The following PLIN5 variants were observed in gnomAD, a reference collection of about 807,000 sequenced individuals.
PLIN5 encodes perilipin-5.
A neutral mutation model predicts 32.8 loss-of-function variants in PLIN5; 34 were observed. The observed-to-expected ratio is 1.04, with a 90% confidence interval of 0.79 to 1.38. The LOEUF (loss-of-function observed/expected upper bound fraction) is 1.38. PLIN5 is among the 40% of genes most tolerant of loss of function. The pLI is 0.00. For missense variants in PLIN5, 712 were observed against 660.5 expected, an observed-to-expected ratio of 1.08 and a Z score of -0.85; for synonymous variants, 309 against 292.9, an observed-to-expected ratio of 1.05 and a Z score of -0.56.
At chr19:4,533,772 G>T (rs575389406) in intron 2 of PLIN5, 1 of 574,596 alleles carries the variant, frequency 1.7e-6, no homozygotes, top group Admixed American at 3.1e-5. Context: ...AAAGGAGAGG[G>T]AAAGGGTTGG....
rs1425262157 is a variant in PLIN5, at chr19:4,524,079, G to C, written c.841C>G (p.Leu281Val). 1 of 1,425,812 alleles carries C rather than the reference G, an allele frequency of 7.0e-7. No homozygotes were observed. 88.3% of individuals were successfully genotyped at this position (1,425,812 alleles called of 1,614,324 possible). A position where few individuals can be genotyped will look rare whatever the true frequency, so the allele number is the denominator to read the frequency against. Residue 281 changes from leucine to valine, a missense_variant, in exon 8 of 8, where the codon CTG becomes GTG. By Grantham distance (32) the Leu-to-Val change is conservative. Coordinates refer to ENST00000381848, the MANE Select transcript of PLIN5 (RefSeq NM_001013706.3). Reference sequence around the variant, plus strand: ...CTGCGGGACAGCACCAGCGTCTCCAGCTCTGCCTGCAGGGGGCGGGGACCT... The same window carrying C: ...CTGCGGGACAGCACCAGCGTCTCCACCTCTGCCTGCAGGGGGCGGGGACCT... ...PESRRRSQAE[L>V]ETLVLSRSLT...
intron 3 of PLIN5, among the ~76,000 whole-genome samples, chr19:4,530,494 C>T (rs775785739): frequency 2.0e-5 from 3 of 151,920 alleles, no homozygotes; most frequent in South Asian, 2.1e-4. Flanking sequence ...AACTACAGAG[C>T]GGAGGCTGCG....
intron 3 of PLIN5, among the ~76,000 whole-genome samples, chr19:4,530,682 A>C (rs10407545): frequency 0.034 from 5,156 of 151,976 alleles, 286 homozygotes; most frequent in African/African-American, 0.12. Flanking sequence ...AGATTTATTT[A>C]TTTATTTTGA....
chr19:4,523,510 C>T lies in PLIN5; in HGVS notation c.*18G>A. ...GTGTGCAGGTGGCCTTTCCTCCCCG[C>T]CTCCACTGGCCCATGGGTCAGAAGT... On this transcript the variant is annotated 3_prime_UTR_variant, in exon 8 of 8. Transcript: ENST00000381848. The surrounding 1 kb of genome is among the most constrained non-coding windows in gnomAD (Gnocchi z 5.0). The T allele has an allele frequency of 2.0e-6, 3 of 1,527,458 alleles. No homozygotes were observed. The highest frequency in any genetic ancestry group is 2.6e-6 in the Non-Finnish European group (3 of 1,134,236). 94.6% of individuals were successfully genotyped at this position (1,527,458 alleles called of 1,614,324 possible).
rs747425167 is a variant in PLIN5, at chr19:4,525,851, G to A, written c.521-19C>T. 5.2e-6 allele frequency: 8 copies of A among 1,549,552 alleles called. No homozygotes were observed. Among genetic ancestry groups the A allele is most frequent in the Non-Finnish European group, 6.9e-6 (8 of 1,158,290 alleles). On this transcript the variant is annotated intron_variant, in intron 5 of 7. Transcript: ENST00000381848. This position sits in a 1 kb window ranked among gnomAD's most constrained non-coding sequence, Gnocchi z 5.6. ...AGTGCCGCTGGAGGACAGGATACGG[G>A]GACAGCACGGGGACAGGATACGGGG...
Position 4,534,176 on chromosome 19 carries a change from C to G in PLIN5, c.-21-81G>C, listed in dbSNP as rs961205951. The G allele has an allele frequency of 2.6e-5, 32 of 1,215,288 alleles. No individual in the cohort carries two copies. In the African/African-American group the frequency reaches 4.5e-4, roughly 17 times the overall value. 75.3% of individuals were successfully genotyped at this position (1,215,288 alleles called of 1,614,324 possible). On this transcript the variant is annotated intron_variant, in intron 1 of 7. Transcript: ENST00000381848. ...ATTGGGCTCTGTGACTTGAGCAACT[C>G]TCAAACCTCTTGGGGCCTCAGTTTC... is the stretch of plus-strand genomic sequence containing the variant.
chr19:4,531,730 CG>C lies in PLIN5; in HGVS notation c.152del (p.Pro51ArgfsTer17), dbSNP rs747193089. 6.3e-7 allele frequency: 1 copy of C among 1,595,642 alleles called. No individual in the cohort carries two copies. The highest frequency in any genetic ancestry group is 1.1e-5 in the South Asian group (1 of 88,184). ...CCAGGCGGCAGGCGGAGCCCAGCAG[CG>C]GGTGCCTGTCCTTGGCTGCACTGTA... Reference protein sequence around the residue: ...DVYSAAKDRHPLLGSACRLAE... With the variant: ...DVYSAAKDRHXLLGSACRLAE... On this transcript the variant is annotated frameshift_variant, in exon 3 of 8. Coordinates refer to ENST00000381848, the MANE Select transcript of PLIN5 (RefSeq NM_001013706.3). LOFTEE classifies it high-confidence loss of function.
chr19:4,528,785 T>A (rs1192781326), intron 5 of PLIN5: 6 of 323,482 alleles, frequency 1.9e-5, no homozygotes, highest in Non-Finnish European at 3.4e-5. Flanking sequence ...ATGCAAAGAA[T>A]GAAAATATTT....
rs764756252 is a variant in PLIN5 at position 4,523,830 on chromosome 19, G to T, written c.1090C>A (p.Leu364Met). The stretch of plus-strand genomic sequence containing the variant: ...GGCAGCGGCACGGCCTGCACCACCA[G>T]CTCCAGCAGCTCGTCCACGCAGGCG... ...AHACVDELLE[L>M]VVQAVPLPWL... is the part of the protein sequence containing the mutation. The change falls in exon 8 of 8, where the codon CTG (leucine) becomes ATG (methionine). Residue 364 changes from leucine to methionine, a missense_variant. Leu to Met is a conservative substitution (Grantham distance 15). Coordinates refer to ENST00000381848, the MANE Select transcript of PLIN5 (RefSeq NM_001013706.3). This position sits in a 1 kb window ranked among gnomAD's most constrained non-coding sequence, Gnocchi z 5.0. The T allele has an allele frequency of 3.8e-6, 6 of 1,589,758 alleles. No homozygotes were observed. In the South Asian group the frequency reaches 6.7e-5, roughly 18 times the overall value.
intron 1 of PLIN5, among the ~76,000 whole-genome samples, chr19:4,534,520 G>GC (rs1976924511): frequency 6.6e-6 from 1 of 152,160 alleles, no homozygotes; most frequent in South Asian, 2.1e-4. Context: ...TTACCCACGT[G>GC]CCACCATGCT....
At position 4,525,910 on chromosome 19, in the gene PLIN5, G is replaced by A; in HGVS notation, c.521-78C>T. 1.9e-6 allele frequency: 1 copy of A among 531,898 alleles called. No individual in the cohort carries two copies. The highest frequency in any genetic ancestry group is 3.3e-6 in the Non-Finnish European group (1 of 299,480). The allele number at this position is 531,898 out of a possible 1,614,324, so 32.9% of individuals were successfully genotyped here. A position where few individuals can be genotyped will look rare whatever the true frequency, so the allele number is the denominator to read the frequency against. On this transcript the variant is annotated intron_variant, in intron 5 of 7. Coordinates refer to ENST00000381848, the MANE Select transcript of PLIN5 (RefSeq NM_001013706.3). This position sits in a 1 kb window ranked among gnomAD's most constrained non-coding sequence, Gnocchi z 5.6. Reference sequence around the variant, plus strand: ...GGGACAGGATACGGGGACAGCACGGGGACAGGATACGGGGACAGCACGGGG... The same window carrying A: ...GGGACAGGATACGGGGACAGCACGGAGACAGGATACGGGGACAGCACGGGG...
intron 4 of PLIN5, 22 bp from the exon 5 acceptor site, chr19:4,529,275 C>A (rs764761333): frequency 1.3e-6 from 2 of 1,574,972 alleles, no homozygotes; most frequent in Non-Finnish European, 1.7e-6. Flanking sequence ...GGCCCCCCCA[C>A]TCCAGGCACC....
chr19:4,535,072 C>G (rs35767704), intron 1 of PLIN5, 93 bp downstream of exon 1: 3,169 of 152,572 alleles, frequency 0.021, 53 homozygotes, highest in Non-Finnish European at 0.035. Context: ...CATACCCGTC[C>G]CACGCCGCCG....
In PLIN5 at chr19:4,525,101, T is replaced by C. The variant is rs1976784471; in HGVS notation, c.721-25A>G. 2.0e-6 allele frequency: 2 copies of C among 980,958 alleles called. No individual in the cohort carries two copies. The highest frequency in any genetic ancestry group is 1.4e-6 in the Non-Finnish European group (1 of 732,144). 60.8% of individuals were successfully genotyped at this position (980,958 alleles called of 1,614,324 possible). A position where few individuals can be genotyped will look rare whatever the true frequency, so the allele number is the denominator to read the frequency against. On this transcript the variant is annotated intron_variant, in intron 6 of 7. Transcript: ENST00000381848. This position sits in a 1 kb window ranked among gnomAD's most constrained non-coding sequence, Gnocchi z 5.6. ...TCTGCAAGGACAGAAATGGTGGTCT[T>C]CAGAGCTGGGGGAGCTGGGGGAGCT...
chr19:4,534,952 G>A (rs1046255504), intron 1 of PLIN5, among the ~76,000 whole-genome samples: 4 of 152,232 alleles, frequency 2.6e-5, no homozygotes, highest in Non-Finnish European at 5.9e-5. Context: ...CCTGCCGCCT[G>A]CGATCCCTCC....
intron 1 of PLIN5, 52 bp from the exon 2 acceptor site, chr19:4,534,147 T>C (rs1568247127): frequency 2.0e-6 from 3 of 1,506,572 alleles, no homozygotes; most frequent in Non-Finnish European, 1.8e-6. Context: ...TCAGATCCTG[T>C]CAAATTGGGC....
chr19:4,528,791 T>C (rs1976840352), intron 5 of PLIN5: 2 of 340,010 alleles, frequency 5.9e-6, no homozygotes, highest in Non-Finnish European at 1.1e-5. Context: ...AGAATGAAAA[T>C]ATTTAAAACA....
chr19:4,529,608 TATAC>T, intron 4 of PLIN5, 172 bp downstream of exon 4: 1 of 328,492 alleles, frequency 3.0e-6, no homozygotes, highest in South Asian at 4.0e-5. Flanking sequence ...TACATATATG[TATAC>T]ACACACACAC....
intron 7 of PLIN5, among the ~76,000 whole-genome samples, 161 bp downstream of exon 7, chr19:4,524,802 T>TC (rs149356175): frequency 0.038 from 5,689 of 151,410 alleles, 358 homozygotes; most frequent in African/African-American, 0.13. Flanking sequence ...TGCCTCAGTT[T>TC]CCCCCCCCAG....
Sources: allele counts gnomAD v4.1 joint callset (sites outside exome capture counted in the v4.1 genomes callset), GRCh38; gene constraint gnomAD v4.1.1; non-coding constraint Gnocchi (gnomAD v3.1); transcripts MANE v1.5; gene names NCBI Gene and HGNC (gene_info 2026-07-23, HGNC 2026-07-21).